Variants in ADGRF1 observed in about 807,000 individuals in gnomAD.
The protein encoded by ADGRF1 is adhesion G protein-coupled receptor F1, also known as G protein-coupled receptor 110.
In ADGRF1, 85 loss-of-function variants were observed where a neutral mutation model predicts 87.2. The observed-to-expected ratio is 0.97, with a 90% confidence interval of 0.82 to 1.17. The LOEUF (loss-of-function observed/expected upper bound fraction) is 1.17, where lower values mean the gene tolerates loss of function less well. Among genes scored for constraint, ADGRF1 ranks in the 50% most tolerant of loss-of-function variants. The pLI, the probability that ADGRF1 is intolerant of heterozygous loss-of-function variation, is 0.00. For synonymous variants in ADGRF1, 430 were observed against 408.8 expected (o/e 1.05, Z -0.63); for missense variants, 1,169 against 1,077.2 (o/e 1.09, Z -1.19).
rs1273758562 is a variant in ADGRF1, at chr6:47,009,898, A to G, written c.1537T>C (p.Tyr513His). The change falls in exon 11 of 15, where the codon TAT (tyrosine) becomes CAT (histidine). Residue 513 changes from tyrosine (Y) to histidine (H), a missense_variant. Transcript: ENST00000371253. ...GPVISTVIQN[Y>H]SINEVFLFFS... ...AATAGGAAAACTTCATTTATGGAAT[A>G]GTTTTGAATAACCGTGGATATCACA... 6.2e-7 allele frequency: 1 copy of G among 1,614,122 alleles called. No homozygotes were observed. The highest frequency in any genetic ancestry group is 8.5e-7 in the Non-Finnish European group (1 of 1,179,960).
intron 1 of ADGRF1, among the ~76,000 whole-genome samples, chr6:47,039,463 C>T (rs1234702965): frequency 6.6e-6 from 1 of 152,178 alleles, no homozygotes; most frequent in Non-Finnish European, 1.5e-5. Context: ...AGCCACTGAC[C>T]AGGAGCCTCT....
intron 13 of ADGRF1, among the ~76,000 whole-genome samples, chr6:47,002,275 C>G (rs542751226): frequency 2.0e-5 from 3 of 151,856 alleles, no homozygotes; most frequent in East Asian, 3.9e-4. Context: ...ACAGTCTATG[C>G]CACAAGGAAA....
intron 3 of ADGRF1, among the ~76,000 whole-genome samples, chr6:47,026,913 G>GCAT (rs1780253846): frequency 6.6e-6 from 1 of 152,186 alleles, no homozygotes; most frequent in African/African-American, 2.4e-5. Flanking sequence ...GAAAAGGATG[G>GCAT]CCCTGCTCAC....
chr6:47,032,537 A>G (rs1780459402), intron 1 of ADGRF1, among the ~76,000 whole-genome samples: 1 of 152,254 alleles, frequency 6.6e-6, no homozygotes, highest in Admixed American at 6.5e-5. Flanking sequence ...CTCAAGGCAC[A>G]TGGTCAAAAT....
At chr6:47,034,882 C>T (rs1780542361) in intron 1 of ADGRF1, among the ~76,000 whole-genome samples, 1 of 152,212 alleles carries the variant, frequency 6.6e-6, no homozygotes, top group African/African-American at 2.4e-5. Flanking sequence ...CTCATTAGAA[C>T]TTCATTCAGC....
At chr6:47,018,259 T>A (rs1482069113) in intron 7 of ADGRF1, 1 of 600,932 alleles carries the variant, frequency 1.7e-6, no homozygotes, top group Non-Finnish European at 2.5e-6. Flanking sequence ...GCACATGAGA[T>A]CAATACATTA....
At chr6:47,035,604 C>A (rs17288960) in intron 1 of ADGRF1, among the ~76,000 whole-genome samples, 3 of 152,036 alleles carry the variant, frequency 2.0e-5, no homozygotes, top group Admixed American at 6.6e-5. Context: ...CTAAATACAA[C>A]GAATTTTTTA....
chr6:47,006,083 C>A (rs961914884), intron 12 of ADGRF1, among the ~76,000 whole-genome samples: 2 of 152,114 alleles, frequency 1.3e-5, no homozygotes, highest in Non-Finnish European at 2.9e-5. Flanking sequence ...AACAACAGTA[C>A]CAAATGCCAT....
At position 47,007,262 on chromosome 6, in the gene ADGRF1, C is replaced by A. The variant is rs1779559253; in HGVS notation, c.2523G>T (p.Leu841Phe). Residue 841 changes from leucine (L) to phenylalanine (F), a missense_variant, in exon 12 of 15, where the codon TTG becomes TTT. Transcript: ENST00000371253. ...GFFILCFGIL[L>F]DSKLRQLLFN... ...AAATAAATACACATACCTTACTGTC[C>A]AAGAGTATTCCAAAGCATAAGATAA... The A allele has an allele frequency of 6.5e-7, 1 of 1,546,082 alleles. No homozygotes were observed. The highest frequency in any genetic ancestry group is 1.7e-5 in the Admixed American group (1 of 59,182).
At chr6:47,019,810 A>G in intron 7 of ADGRF1, 1 of 984,926 alleles carries the variant, frequency 1.0e-6, no homozygotes, top group Non-Finnish European at 1.2e-6. Context: ...ACAAGCAGAC[A>G]GATTATTAAT....
chr6:47,007,235 A>G lies in ADGRF1; in HGVS notation c.2532+18T>C. On this transcript the variant is annotated intron_variant, in intron 12 of 14. Coordinates refer to ENST00000371253, the MANE Select transcript of ADGRF1 (RefSeq NM_153840.4). ...GATGTCTAGGCTAGGGGTTAATGAG[A>G]GAAATAAATACACATACCTTACTGT... 2 of 1,520,444 alleles carry G rather than the reference A, an allele frequency of 1.3e-6. No homozygotes were observed. Among genetic ancestry groups the G allele is most frequent in the Non-Finnish European group, 1.8e-6 (2 of 1,102,456 alleles). The allele number at this position is 1,520,444 out of a possible 1,614,324, so 94.2% of individuals were successfully genotyped here.
At position 47,004,262 on chromosome 6, in the gene ADGRF1, G is replaced by A. The variant is rs551127155; in HGVS notation, c.2592+1555C>T. ...TCATCATCTGTCATTTGGGGTCCTTGGGGTCCTGCTTTTTCATTCAAACTC... is the reference window on the plus strand; with the variant it reads ...TCATCATCTGTCATTTGGGGTCCTTAGGGTCCTGCTTTTTCATTCAAACTC... On this transcript the variant is annotated intron_variant, in intron 13 of 14. Coordinates refer to ENST00000371253, the MANE Select transcript of ADGRF1 (RefSeq NM_153840.4). 1.1e-3 allele frequency among the ~76,000 whole-genome samples: 171 copies of A among 152,212 alleles called. 2 individuals carry two copies. The highest frequency in any genetic ancestry group is 1.4e-3 in the Non-Finnish European group (97 of 68,016).
chr6:47,024,150 T>C lies in ADGRF1; in HGVS notation c.345A>G (p.Ser115=), dbSNP rs757247989. 5 of 1,613,974 alleles carry C rather than the reference T, an allele frequency of 3.1e-6. No individual in the cohort carries two copies. The highest frequency in any genetic ancestry group is 1.7e-5 in the Admixed American group (1 of 59,998). ...CEDSYTWFPP[S]CLDPQNCYLH... Reference sequence around the variant, plus strand: ...GGTAGCAGTTCTGGGGATCAAGGCATGAGGGAGGAAACCAGGTGTAGCTGT... The same window carrying C: ...GGTAGCAGTTCTGGGGATCAAGGCACGAGGGAGGAAACCAGGTGTAGCTGT... The change falls in exon 5 of 15, where the codon TCA becomes TCG. Residue 115 remains serine, a synonymous_variant. Coordinates refer to ENST00000371253, the MANE Select transcript of ADGRF1 (RefSeq NM_153840.4).
At position 47,007,304 on chromosome 6, in the gene ADGRF1, G is replaced by T. The variant is rs1394081503; in HGVS notation, c.2491-10C>A. ...ATAAGATAAAAAATCCCTTTAAAAA[G>T]AAAGGAATAAATCACATGTATTGTA... is the stretch of plus-strand genomic sequence containing the variant. On this transcript the variant is annotated splice_polypyrimidine_tract_variant and intron_variant, in intron 11 of 14. Coordinates refer to ENST00000371253, the MANE Select transcript of ADGRF1 (RefSeq NM_153840.4). 6.8e-7 allele frequency: 1 copy of T among 1,471,748 alleles called. No homozygotes were observed. The highest frequency in any genetic ancestry group is 1.2e-5 in the South Asian group (1 of 86,694). The allele number at this position is 1,471,748 out of a possible 1,614,324, so 91.2% of individuals were successfully genotyped here.
chr6:47,024,231 A>G lies in ADGRF1; in HGVS notation c.278-14T>C. On this transcript the variant is annotated splice_polypyrimidine_tract_variant and intron_variant, in intron 4 of 14. Transcript: ENST00000371253. ...GGCTGTTGCAGTCTGCACAAGAAAT[A>G]GAACTCAGTCTCATGGATTCTGGTT... The G allele has an allele frequency of 6.2e-7, 1 of 1,605,050 alleles. No individual in the cohort carries two copies.
chr6:47,000,903 C>T (rs569862672), intron 14 of ADGRF1, among the ~76,000 whole-genome samples: 2 of 124,160 alleles, frequency 1.6e-5, no homozygotes, highest in South Asian at 4.9e-4. Flanking sequence ...CTTCTCTCTC[C>T]TCCAAGAATG....
Position 46,997,837 on chromosome 6 carries a change from A to T in ADGRF1, c.*2385T>A, listed in dbSNP as rs1779256397. 6.6e-6 allele frequency: 1 copy of T among 152,186 alleles called. No individual in the cohort carries two copies. Among genetic ancestry groups the T allele is most frequent in the African/African-American group, 2.4e-5 (1 of 41,452 alleles). The allele number at this position is 152,186 out of a possible 1,614,324, so 9.4% of individuals were successfully genotyped here. On this transcript the variant is annotated 3_prime_UTR_variant, in exon 15 of 15. Transcript: ENST00000371253. ...CATTTTTTTGTCTCTCATCATCCTC[A>T]TAAAATTTATTCAGTGGGAGAAGCT...
Position 47,005,862 on chromosome 6 carries a change from C to G in ADGRF1, c.2547G>C (p.Leu849=). 4 of 1,611,416 alleles carry G rather than the reference C, an allele frequency of 2.5e-6. No homozygotes were observed. Among genetic ancestry groups the G allele is most frequent in the Non-Finnish European group, 3.4e-6 (4 of 1,178,556 alleles). ...ILLDSKLRQL[L]FNKLSALSSW... Reference sequence around the variant, plus strand: ...AACTTAAGGCAGACAACTTGTTGAACAGAAGTTGTCGCAGCTATAAGGGCA... The same window carrying G: ...AACTTAAGGCAGACAACTTGTTGAAGAGAAGTTGTCGCAGCTATAAGGGCA... The change falls in exon 13 of 15, where the codon CTG becomes CTC. Residue 849 remains leucine (L), a synonymous_variant. Coordinates refer to ENST00000371253, the MANE Select transcript of ADGRF1 (RefSeq NM_153840.4).
chr6:47,005,532 A>T (rs1192895051), intron 13 of ADGRF1, among the ~76,000 whole-genome samples: 1 of 152,160 alleles, frequency 6.6e-6, no homozygotes, highest in African/African-American at 2.4e-5. Context: ...GACTAAAGTA[A>T]ATGCCATTGT....
Sources: allele counts gnomAD v4.1 joint callset (sites outside exome capture counted in the v4.1 genomes callset), GRCh38; gene constraint gnomAD v4.1.1; transcripts MANE v1.5; gene names NCBI Gene and HGNC (gene_info 2026-07-23, HGNC 2026-07-21).